The following TMCO4 variants were observed in gnomAD, a reference collection of about 807,000 sequenced individuals.
TMCO4 encodes transmembrane and coiled-coil domains 4.
In TMCO4, 58 loss-of-function variants were observed where a neutral mutation model predicts 64.7. The observed-to-expected ratio is 0.90, with a 90% CI of 0.73 to 1.12. The LOEUF (loss-of-function observed/expected upper bound fraction) is 1.12. Ranked by LOEUF, TMCO4 falls within the 50% of genes most tolerant of loss-of-function variation. TMCO4 has a pLI of 0.00. For missense variants in TMCO4, 780 were observed against 825.9 expected (o/e 0.94, Z 0.68); for synonymous variants, 325 against 346.1 (o/e 0.94, Z 0.68).
Position 19,758,206 on chromosome 1 carries a change from C to T in TMCO4, c.383-2440G>A, listed in dbSNP as rs11584341. Among the ~76,000 whole-genome samples, 152 of 151,874 alleles carry T rather than the reference C, an allele frequency of 1.0e-3. 2 individuals are homozygous for T. The highest frequency in any genetic ancestry group is 3.5e-3 in the African/African-American group (145 of 41,200). On this transcript the variant is annotated intron_variant, in intron 6 of 15. Coordinates refer to ENST00000294543, the MANE Select transcript of TMCO4 (RefSeq NM_181719.7). ...CAGTTCCTTCCTTGACCCAGGGTCC[C>T]CAGAGTGAAACAGGGTCTCTTGGGG...
chr1:19,740,851 T>C lies in TMCO4; in HGVS notation c.968A>G (p.Asn323Ser), dbSNP rs776682791. The change falls in exon 11 of 16, where the codon AAT (asparagine) becomes AGT (serine). Residue 323 changes from asparagine to serine, a missense_variant. Physicochemically the swap from Asn to Ser is conservative, Grantham distance 46. Transcript: ENST00000294543. ...WEAKYLMELGNALETILSGLA... is the reference protein window; with the variant it reads ...WEAKYLMELGSALETILSGLA... ...ACCACTGAGGATGGTCTCCAGGGCATTGCCGAGCTCCATCAGGTACTTGGC... is the reference window on the plus strand; with the variant it reads ...ACCACTGAGGATGGTCTCCAGGGCACTGCCGAGCTCCATCAGGTACTTGGC... The C allele has an allele frequency of 4.3e-6, 7 of 1,614,028 alleles. No homozygotes were observed. Among genetic ancestry groups the C allele is most frequent in the East Asian group, 4.5e-5 (2 of 44,894 alleles).
chr1:19,790,947 G>A (rs185341682), intron 2 of TMCO4, among the ~76,000 whole-genome samples: 2 of 151,898 alleles, frequency 1.3e-5, no homozygotes, highest in Non-Finnish European at 2.9e-5. Flanking sequence ...AGAAAATGTG[G>A]TACATATACA....
At chr1:19,696,274 G>A (rs1303846149) in intron 14 of TMCO4, among the ~76,000 whole-genome samples, 3 of 152,206 alleles carry the variant, frequency 2.0e-5, no homozygotes, top group Admixed American at 1.3e-4. Flanking sequence ...CGGTTGCAGG[G>A]CGCGGTGGCT....
chr1:19,745,539 G>C lies in TMCO4; in HGVS notation c.870C>G (p.Gly290=), dbSNP rs202123603. ...TIAVTGWLAS[G]KYRTFSAPWA... is the part of the protein sequence containing the mutation. ...GGTCCTCCTGGTCCTCACGGTATTT[G>C]CCAGAAGCGAGCCACCCCGTGACGG... Residue 290 remains glycine, a synonymous_variant, in exon 10 of 16, where the codon GGC becomes GGG. Coordinates refer to ENST00000294543, the MANE Select transcript of TMCO4 (RefSeq NM_181719.7). The C allele has an allele frequency of 6.2e-7, 1 of 1,614,074 alleles. No homozygotes were observed. The highest frequency in any genetic ancestry group is 1.3e-5 in the African/African-American group (1 of 75,030).
intron 14 of TMCO4, among the ~76,000 whole-genome samples, chr1:19,698,500 C>T (rs1351127889): frequency 6.6e-6 from 1 of 152,202 alleles, no homozygotes; most frequent in Admixed American, 6.5e-5. Context: ...AGTGGATTTA[C>T]AAAGAGCTTT....
chr1:19,685,710 C>CTTT lies in TMCO4; in HGVS notation c.1501-2269_1501-2267dup, dbSNP rs55783904. Among the ~76,000 whole-genome samples the CTTT allele has an allele frequency of 1.7e-4, 18 of 106,608 alleles. 3 individuals carry two copies. The highest frequency in any genetic ancestry group is 3.6e-4 in the Admixed American group (3 of 8,350). The allele number at this position is 106,608 out of a possible 152,430, so 69.9% of individuals were successfully genotyped here. ...CTGGGATTTGAATCCAGGCCTGTTT[C>CTTT]TTTTTTTTTTTTTTTTTTTTTGAGA... On this transcript the variant is annotated intron_variant, in intron 15 of 15. Transcript: ENST00000294543.
At chr1:19,729,044 T>C (rs1286564926) in intron 13 of TMCO4, among the ~76,000 whole-genome samples, 3 of 152,132 alleles carry the variant, frequency 2.0e-5, no homozygotes, top group Admixed American at 6.5e-5. Flanking sequence ...TGAGGCCCCA[T>C]AGTGGATATA....
At chr1:19,694,693 G>C (rs1375184368) in intron 14 of TMCO4, 142 bp from the exon 15 acceptor site, 3 of 711,758 alleles carry the variant, frequency 4.2e-6, no homozygotes, top group Non-Finnish European at 4.8e-6. Context: ...GCACGGTGGG[G>C]ATGGAAGATG....
At chr1:19,762,608 A>G (rs2042556350) in intron 6 of TMCO4, among the ~76,000 whole-genome samples, 1 of 152,156 alleles carries the variant, frequency 6.6e-6, no homozygotes, top group African/African-American at 2.4e-5. Context: ...ATTATCGAAC[A>G]CTCTTATGCA....
rs895521552 is a variant in TMCO4 at position 19,708,415 on chromosome 1, A to C, written c.1265-7530T>G. On this transcript the variant is annotated intron_variant, in intron 13 of 15. Transcript: ENST00000294543. ...AAAATACATAAATAAAAAAAAAAAA[A>C]CCCAAGAGCTGAGAATGGACAGCGT... Among the ~76,000 whole-genome samples the C allele has an allele frequency of 7.3e-5, 11 of 150,858 alleles. 1 individual carries two copies. The highest frequency in any genetic ancestry group is 1.2e-4 in the African/African-American group (5 of 40,494).
chr1:19,716,455 C>T (rs1037756267), intron 13 of TMCO4, among the ~76,000 whole-genome samples: 1 of 146,604 alleles, frequency 6.8e-6, no homozygotes, highest in African/African-American at 2.5e-5. Flanking sequence ...TGGCCTTGAA[C>T]TCCCGACCTC....
intron 3 of TMCO4, among the ~76,000 whole-genome samples, chr1:19,784,583 C>T (rs1264836429): frequency 6.6e-6 from 1 of 152,086 alleles, no homozygotes; most frequent in African/African-American, 2.4e-5. Context: ...TTCATTCATT[C>T]ATTCAACACA....
intron 13 of TMCO4, among the ~76,000 whole-genome samples, chr1:19,736,191 A>T (rs1418009057): frequency 6.6e-6 from 1 of 152,240 alleles, no homozygotes; most frequent in Non-Finnish European, 1.5e-5. Context: ...GCAAAGGAGA[A>T]GTAAAGGCAC....
At chr1:19,701,010 A>T in intron 13 of TMCO4, 125 bp from the exon 14 acceptor site, 1 of 733,566 alleles carries the variant, frequency 1.4e-6, no homozygotes, top group Non-Finnish European at 2.3e-6. Flanking sequence ...GAACGTGGAC[A>T]ATCATGTGCA....
At chr1:19,795,269 G>C (rs1312987304) in intron 2 of TMCO4, among the ~76,000 whole-genome samples, 1 of 151,944 alleles carries the variant, frequency 6.6e-6, no homozygotes, top group Non-Finnish European at 1.5e-5. Flanking sequence ...TCAGGAGTTC[G>C]AGACTACCTG....
At chr1:19,750,610 A>C (rs1229479091) in intron 7 of TMCO4, among the ~76,000 whole-genome samples, 1 of 152,080 alleles carries the variant, frequency 6.6e-6, no homozygotes, top group African/African-American at 2.4e-5. Context: ...CCTTCAGGAC[A>C]CTGTCATCTC....
rs74545167 is a variant in TMCO4 at position 19,687,676 on chromosome 1, C to T, written c.1501-4232G>A. Among the ~76,000 whole-genome samples, 68 of 152,318 alleles carry T rather than the reference C, an allele frequency of 4.5e-4. 1 individual carries two copies. The East Asian group carries it at 0.012, about 27-fold the overall frequency. The stretch of plus-strand genomic sequence containing the variant: ...CCACAGGGACAAGTGATAACTGCCT[C>T]TCTAAGGACAAACAAGAACTGCCTC... On this transcript the variant is annotated intron_variant, in intron 15 of 15. Transcript: ENST00000294543.
chr1:19,691,368 G>A (rs531106800), intron 15 of TMCO4, among the ~76,000 whole-genome samples: 26 of 152,320 alleles, frequency 1.7e-4, no homozygotes, highest in African/African-American at 5.5e-4. Context: ...TGGCCCCAGC[G>A]ACCTGGTGTC....
intron 15 of TMCO4, among the ~76,000 whole-genome samples, chr1:19,694,193 G>A (rs530230527): frequency 3.6e-4 from 55 of 152,232 alleles, no homozygotes; most frequent in Non-Finnish European, 6.8e-4. Context: ...ATAGAGATAG[G>A]GTTTTGCCAT....
Sources: gnomAD v4.1 joint callset for allele counts (sites outside exome capture counted in the v4.1 genomes callset) on GRCh38, gnomAD v4.1.1 for gene constraint, MANE v1.5 for transcripts, NCBI Gene and HGNC (gene_info 2026-07-23, HGNC 2026-07-21) for gene names.